The following ATP6V0A4 variants were observed in gnomAD, a reference collection of about 807,000 sequenced individuals.
ATP6V0A4 encodes V-type proton ATPase 116 kDa subunit a 4.
A neutral mutation model predicts 107.3 loss-of-function variants in ATP6V0A4; 86 were observed. The observed-to-expected ratio is 0.80, with a 90% CI of 0.67 to 0.96. The LOEUF is 0.96. Ranked by LOEUF, ATP6V0A4 falls within the 40% of genes least tolerant of loss-of-function variation. The pLI, the probability that ATP6V0A4 is intolerant of heterozygous loss-of-function variation, is 0.00. For missense variants in ATP6V0A4, 908 were observed against 1,045.6 expected (o/e 0.87, Z 1.81); for synonymous variants, 353 against 381.4 (o/e 0.93, Z 0.87).
chr7:138,769,000 C>T (rs1807230893), intron 4 of ATP6V0A4, 126 bp from the exon 5 acceptor site: 1 of 1,571,296 alleles, frequency 6.4e-7, no homozygotes, highest in African/African-American at 1.4e-5. Flanking sequence ...GGAGCTGCCA[C>T]AGCACCTGGA....
At chr7:138,788,415 ATG>A (rs1270572344) in intron 1 of ATP6V0A4, among the ~76,000 whole-genome samples, 1 of 152,170 alleles carries the variant, frequency 6.6e-6, no homozygotes, top group African/African-American at 2.4e-5. Context: ...TCACCTTAAA[ATG>A]CCCTTACTTG....
In ATP6V0A4 at chr7:138,798,187, G is replaced by GT; in HGVS notation, c.-275dup. 2 of 1,588,264 alleles carry GT rather than the reference G, an allele frequency of 1.3e-6. No homozygotes were observed. Among genetic ancestry groups the GT allele is most frequent in the East Asian group, 4.6e-5 (2 of 43,674 alleles). The stretch of plus-strand genomic sequence containing the variant: ...TCCCTCCACTCGGCTTGCTCGGCAG[G>GT]TAGCGTTATGAGCTTTATTCATGGC... On this transcript the variant is annotated 5_prime_UTR_variant, in exon 1 of 22. Coordinates refer to ENST00000310018, the MANE Select transcript of ATP6V0A4 (RefSeq NM_020632.3).
At chr7:138,710,598 T>C (rs923811868) in intron 20 of ATP6V0A4, among the ~76,000 whole-genome samples, 1 of 152,206 alleles carries the variant, frequency 6.6e-6, no homozygotes, top group Non-Finnish European at 1.5e-5. Context: ...TATTTCAAAG[T>C]AAAAATGTTT....
chr7:138,718,577 C>A (rs371319175), intron 19 of ATP6V0A4, among the ~76,000 whole-genome samples: 24 of 41,190 alleles, frequency 5.8e-4, no homozygotes, highest in South Asian at 9.4e-4. Context: ...TCCGGAGAGG[C>A]ATGGGGCGGA....
chr7:138,757,410 G>A (rs906108163), intron 8 of ATP6V0A4, among the ~76,000 whole-genome samples: 1 of 152,114 alleles, frequency 6.6e-6, no homozygotes, highest in African/African-American at 2.4e-5. Flanking sequence ...CAGCTACCAG[G>A]AAGGCTGAGG....
chr7:138,743,953 C>T (rs1423139142), intron 14 of ATP6V0A4, among the ~76,000 whole-genome samples: 1 of 152,118 alleles, frequency 6.6e-6, no homozygotes, highest in Non-Finnish European at 1.5e-5. Flanking sequence ...TCCCCCAGTT[C>T]ATTAAATGGA....
At chr7:138,745,020 G>T in intron 14 of ATP6V0A4, 103 bp downstream of exon 14, 1 of 1,077,210 alleles carries the variant, frequency 9.3e-7, no homozygotes, top group Non-Finnish European at 1.4e-6. Context: ...ATTTTCAAGT[G>T]CACCTCTGAG....
intron 19 of ATP6V0A4, among the ~76,000 whole-genome samples, chr7:138,716,448 G>GAA (rs59175905): frequency 7.0e-6 from 1 of 143,524 alleles, no homozygotes; most frequent in Non-Finnish European, 1.5e-5. Context: ...CAGCCTTAAA[G>GAA]AAAAAAAAAA....
At chr7:138,718,610 G>GTCTGCGGA in intron 19 of ATP6V0A4, among the ~76,000 whole-genome samples, 1 of 108,898 alleles carries the variant, frequency 9.2e-6, no homozygotes, top group South Asian at 3.3e-4. Flanking sequence ...GGGGAGGAAT[G>GTCTGCGGA]GGGAGGAATG....
chr7:138,789,627 G>A (rs149042856), intron 1 of ATP6V0A4, among the ~76,000 whole-genome samples: 26 of 151,726 alleles, frequency 1.7e-4, no homozygotes, highest in African/African-American at 6.3e-4. Flanking sequence ...TGTAAAATCT[G>A]TCTGCTTCAT....
At chr7:138,710,413 A>G (rs1803680777) in intron 20 of ATP6V0A4, among the ~76,000 whole-genome samples, 1 of 151,778 alleles carries the variant, frequency 6.6e-6, no homozygotes, top group Non-Finnish European at 1.5e-5. Flanking sequence ...GGTGGTCTCA[A>G]TCTCTTGACC....
At chr7:138,796,513 G>T (rs917504019) in intron 1 of ATP6V0A4, among the ~76,000 whole-genome samples, 3 of 152,196 alleles carry the variant, frequency 2.0e-5, no homozygotes, top group East Asian at 3.9e-4. Context: ...CCATTCATGC[G>T]CAGGAACACT....
intron 17 of ATP6V0A4, among the ~76,000 whole-genome samples, chr7:138,731,330 C>T (rs745556012): frequency 1.2e-4 from 19 of 152,186 alleles, no homozygotes; most frequent in Non-Finnish European, 2.5e-4. Flanking sequence ...ATGACATTAA[C>T]TACGACATCT....
chr7:138,731,642 C>T (rs1467199368), intron 17 of ATP6V0A4, among the ~76,000 whole-genome samples: 1 of 152,092 alleles, frequency 6.6e-6, no homozygotes, highest in African/African-American at 2.4e-5. Flanking sequence ...CCTGTAATCC[C>T]AGCACTTTGG....
At chr7:138,707,151 TTAATATA>T (rs1458311031) in intron 21 of ATP6V0A4, among the ~76,000 whole-genome samples, 1 of 70,734 alleles carries the variant, frequency 1.4e-5, no homozygotes, top group East Asian at 2.9e-4. Flanking sequence ...TATTAATATA[TTAATATA>T]TAATATATTA....
At chr7:138,713,471 G>C (rs550917857) in intron 20 of ATP6V0A4, among the ~76,000 whole-genome samples, 2 of 152,180 alleles carry the variant, frequency 1.3e-5, no homozygotes, top group African/African-American at 2.4e-5. Flanking sequence ...TATCCCTTCA[G>C]CACACACCTT....
chr7:138,706,559 A>G lies in ATP6V0A4; in HGVS notation c.*65T>C. On this transcript the variant is annotated 3_prime_UTR_variant, in exon 22 of 22. Coordinates refer to ENST00000310018, the MANE Select transcript of ATP6V0A4 (RefSeq NM_020632.3). ...CATTGAGCGCCTTGCAGGGGCTGATATCAAAGACAAGACTGAACTTCCTTC... is the reference window on the plus strand; with the variant it reads ...CATTGAGCGCCTTGCAGGGGCTGATGTCAAAGACAAGACTGAACTTCCTTC... 1 of 1,586,594 alleles carries G rather than the reference A, an allele frequency of 6.3e-7. No homozygotes were observed. Among genetic ancestry groups the G allele is most frequent in the Non-Finnish European group, 8.6e-7 (1 of 1,157,504 alleles).
intron 10 of ATP6V0A4, among the ~76,000 whole-genome samples, chr7:138,754,230 C>A (rs140775929): frequency 0.042 from 6,413 of 152,086 alleles, 418 homozygotes; most frequent in African/African-American, 0.14. Context: ...GGGTGGATCA[C>A]CTGAGGTCGG....
At position 138,798,104 on chromosome 7, in the gene ATP6V0A4, C is replaced by A; in HGVS notation, c.-191G>T. 6.3e-7 allele frequency: 1 copy of A among 1,596,320 alleles called. No individual in the cohort carries two copies. Among genetic ancestry groups the A allele is most frequent in the East Asian group, 2.3e-5 (1 of 43,996 alleles). ...ACCGGGCACTCAGCACAGCCTCCAG[C>A]ATGCAGCGCCTCCCCGCTGCCACCC... On this transcript the variant is annotated 5_prime_UTR_variant, in exon 1 of 22. The change abolishes an upstream ATG in the 5' untranslated region. Coordinates refer to ENST00000310018, the MANE Select transcript of ATP6V0A4 (RefSeq NM_020632.3).
Sources: gnomAD v4.1 joint callset for allele counts (sites outside exome capture counted in the v4.1 genomes callset) on GRCh38, gnomAD v4.1.1 for gene constraint, MANE v1.5 for transcripts, NCBI Gene and HGNC (gene_info 2026-07-23, HGNC 2026-07-21) for gene names.